Variants in ANKRD53 observed in about 807,000 individuals in gnomAD.
ANKRD53 encodes the protein ankyrin repeat domain 53.
A neutral mutation model predicts 30.1 loss-of-function variants in ANKRD53; 27 were observed. The ratio of observed to expected loss-of-function variants is 0.90; its 90% CI spans 0.66 to 1.24. The LOEUF (loss-of-function observed/expected upper bound fraction) is 1.24. ANKRD53 is among the 50% of genes most tolerant of loss of function. The probability of loss-of-function intolerance (pLI) is 0.00; values close to 1 mark genes in which losing one functional copy is unlikely to be tolerated. For missense variants in ANKRD53, 682 were observed against 721.0 expected (o/e 0.95, Z 0.62); for synonymous variants, 286 against 295.4 (o/e 0.97, Z 0.33).
Position 70,985,446 on chromosome 2 carries a change from C to G in ANKRD53, c.*146C>G. ...AGGAGTCACCCTTCCCAATCAAAAG[C>G]CCAGACCCCAGGCCTCCCTTTTCTC... On this transcript the variant is annotated 3_prime_UTR_variant, in exon 6 of 6. Transcript: ENST00000360589. The G allele has an allele frequency of 1.4e-6, 1 of 699,306 alleles. No individual in the cohort carries two copies. The highest frequency in any genetic ancestry group is 2.3e-6 in the Non-Finnish European group (1 of 430,268). 43.3% of individuals were successfully genotyped at this position (699,306 alleles called of 1,614,324 possible).
Position 70,985,226 on chromosome 2 carries a change from G to A in ANKRD53, c.1519G>A (p.Asp507Asn), listed in dbSNP as rs1230472409. ...TLAMNLRDTF[D>N]EAFLAAVRSH... The stretch of plus-strand genomic sequence containing the variant: ...GGCCATGAACCTGCGTGACACATTC[G>A]ATGAAGCCTTCCTGGCAGCTGTGCG... The change falls in exon 6 of 6, where the codon GAT (aspartate) becomes AAT (asparagine). Residue 507 changes from aspartate to asparagine, a missense_variant. Asp to Asn is a conservative substitution (Grantham distance 23). Transcript: ENST00000360589. 1.2e-5 allele frequency: 19 copies of A among 1,551,348 alleles called. No individual in the cohort carries two copies. In the Admixed American group the frequency reaches 1.4e-4, roughly 11 times the overall value.
chr2:70,980,256 G>A (rs148897332), intron 3 of ANKRD53, among the ~76,000 whole-genome samples: 6,131 of 151,084 alleles, frequency 0.041, 170 homozygotes, highest in African/African-American at 0.07. Context: ...TGGAGGTTGC[G>A]GTGAGCTGAG....
rs782305391 is a variant in ANKRD53, at chr2:70,979,899, A to AGGCACG, written c.617+45_617+50dup. 5 of 1,611,456 alleles carry AGGCACG rather than the reference A, an allele frequency of 3.1e-6. No homozygotes were observed. In the South Asian group the frequency reaches 4.4e-5, roughly 14 times the overall value. On this transcript the variant is annotated intron_variant, in intron 3 of 5. Coordinates refer to ENST00000360589, the MANE Select transcript of ANKRD53 (RefSeq NM_001115116.2). ...GCTTCAGGAGGGAGGCTTCGGGCAC[A>AGGCACG]GGCACGGGCACAGCCCTACTTCCAG...
At chr2:70,978,452 TGG>T, upstream of ANKRD53, 1 of 545,926 alleles carries the variant, frequency 1.8e-6, no homozygotes, top group Non-Finnish European at 3.0e-6. The surrounding 1 kb of genome is among the most constrained non-coding windows in gnomAD (Gnocchi z 4.3). Flanking sequence ...GAGCGGCGGG[TGG>T]GGAGCGGCAG....
chr2:70,980,509 G>T (rs1669975986), intron 3 of ANKRD53, among the ~76,000 whole-genome samples: 1 of 151,978 alleles, frequency 6.6e-6, no homozygotes, highest in African/African-American at 2.4e-5. Flanking sequence ...TGGCCGGGTG[G>T]CATGGTGGCA....
chr2:70,978,629 C>G (rs1188062675), upstream of ANKRD53: 1 of 1,517,272 alleles, frequency 6.6e-7, no homozygotes, highest in Non-Finnish European at 8.8e-7. This position sits in a 1 kb window ranked among gnomAD's most constrained non-coding sequence, Gnocchi z 4.3. Context: ...GGCCCGGGTC[C>G]GAGTTCCAGC....
rs1012393371 is a variant in ANKRD53, at chr2:70,982,500, G to C, written c.783-77G>C. 1 of 1,581,702 alleles carries C rather than the reference G, an allele frequency of 6.3e-7. No homozygotes were observed. The highest frequency in any genetic ancestry group is 1.3e-5 in the African/African-American group (1 of 74,568). On this transcript the variant is annotated intron_variant, in intron 4 of 5. Coordinates refer to ENST00000360589, the MANE Select transcript of ANKRD53 (RefSeq NM_001115116.2). The surrounding 1 kb of genome is among the most constrained non-coding windows in gnomAD (Gnocchi z 4.2). ...CCCCTCATCCCCATCCAAGCCCTCAGCAGCAGCCAGTCTTCCCAGCCCAGG... is the reference window on the plus strand; with the variant it reads ...CCCCTCATCCCCATCCAAGCCCTCACCAGCAGCCAGTCTTCCCAGCCCAGG...
Position 70,982,185 on chromosome 2 carries a change from C to A in ANKRD53, c.782+85C>A. On this transcript the variant is annotated intron_variant, in intron 4 of 5. Coordinates refer to ENST00000360589, the MANE Select transcript of ANKRD53 (RefSeq NM_001115116.2). The surrounding 1 kb of genome is among the most constrained non-coding windows in gnomAD (Gnocchi z 4.2). ...CCTAGGGCCCTCACCACAGCTGAGC[C>A]TTTAAGGGGAGGGTTGGGAAGCCAG... The A allele has an allele frequency of 1.4e-6, 2 of 1,451,968 alleles. No individual in the cohort carries two copies. Among genetic ancestry groups the A allele is most frequent in the Non-Finnish European group, 1.8e-6 (2 of 1,087,690 alleles). 89.9% of individuals were successfully genotyped at this position (1,451,968 alleles called of 1,614,324 possible).
Position 70,982,744 on chromosome 2 carries a change from T to C in ANKRD53, c.903+47T>C, listed in dbSNP as rs1226705093. 2 of 1,604,186 alleles carry C rather than the reference T, an allele frequency of 1.2e-6. No individual in the cohort carries two copies. Among genetic ancestry groups the C allele is most frequent in the African/African-American group, 1.3e-5 (1 of 74,752 alleles). On this transcript the variant is annotated intron_variant, in intron 5 of 5. Coordinates refer to ENST00000360589, the MANE Select transcript of ANKRD53 (RefSeq NM_001115116.2). The surrounding 1 kb of genome is among the most constrained non-coding windows in gnomAD (Gnocchi z 4.2). The stretch of plus-strand genomic sequence containing the variant: ...CCAGGGGACAGCTGCTATCCAGGCA[T>C]GTGAGCAGAGGGGGCAGTGACCCAC...
rs782592854 is a variant in ANKRD53 at position 70,985,225 on chromosome 2, C to T, written c.1518C>T (p.Phe506=). 32 of 1,551,374 alleles carry T rather than the reference C, an allele frequency of 2.1e-5. No homozygotes were observed. In the Admixed American group the frequency reaches 3.1e-4, roughly 15 times the overall value. ...TGGCCATGAACCTGCGTGACACATT[C>T]GATGAAGCCTTCCTGGCAGCTGTGC... ...DTLAMNLRDT[F]DEAFLAAVRS... is the part of the protein sequence containing the mutation. Residue 506 remains phenylalanine (F), a synonymous_variant, in exon 6 of 6, where the codon TTC becomes TTT. Transcript: ENST00000360589.
chr2:70,981,030 G>C (rs1669995480), intron 3 of ANKRD53, among the ~76,000 whole-genome samples: 1 of 152,210 alleles, frequency 6.6e-6, no homozygotes, highest in Non-Finnish European at 1.5e-5. Flanking sequence ...CCTGGGCTTG[G>C]GAAGTCAGAA....
In ANKRD53 at chr2:70,984,954, C is replaced by G. The variant is rs1041554007; in HGVS notation, c.1247C>G (p.Pro416Arg). 1.9e-6 allele frequency: 3 copies of G among 1,550,352 alleles called. No homozygotes were observed. Among genetic ancestry groups the G allele is most frequent in the Non-Finnish European group, 2.6e-6 (3 of 1,146,736 alleles). The change falls in exon 6 of 6, where the codon CCG becomes CGG. Residue 416 changes from proline (P) to arginine (R), a missense_variant. Pro to Arg is a moderately radical substitution (Grantham distance 103). Coordinates refer to ENST00000360589, the MANE Select transcript of ANKRD53 (RefSeq NM_001115116.2). ...IRLGVHPDPTPEHDFSSFLEV... is the reference protein window; with the variant it reads ...IRLGVHPDPTREHDFSSFLEV... ...CTGGGCGTGCATCCAGACCCCACTC[C>G]GGAGCACGACTTCAGCAGCTTCCTG...
Position 70,982,051 on chromosome 2 carries a change from T to C in ANKRD53, c.733T>C (p.Tyr245His). Residue 245 changes from tyrosine to histidine, a missense_variant, in exon 4 of 6, where the codon TAC (tyrosine) becomes CAC (histidine). Physicochemically the swap from Tyr to His is moderately conservative, Grantham distance 83 (BLOSUM62 2). Transcript: ENST00000360589. The surrounding 1 kb of genome is among the most constrained non-coding windows in gnomAD (Gnocchi z 4.2). ...CGTCCATGCCCAAGATGCCATGGGC[T>C]ACAAACCCATTGACTTCTGCAAAAT... ...ANVHAQDAMG[Y>H]KPIDFCKIWN... 6.2e-7 allele frequency: 1 copy of C among 1,613,552 alleles called. No individual in the cohort carries two copies. The highest frequency in any genetic ancestry group is 1.7e-4 in the Middle Eastern group (1 of 6,054).
chr2:70,982,763 G>A lies in ANKRD53; in HGVS notation c.903+66G>A. On this transcript the variant is annotated intron_variant, in intron 5 of 5. Coordinates refer to ENST00000360589, the MANE Select transcript of ANKRD53 (RefSeq NM_001115116.2). This position sits in a 1 kb window ranked among gnomAD's most constrained non-coding sequence, Gnocchi z 4.2. Reference sequence around the variant, plus strand: ...CAGGCATGTGAGCAGAGGGGGCAGTGACCCACATATTGTGGAGGAGTGGCT... The same window carrying A: ...CAGGCATGTGAGCAGAGGGGGCAGTAACCCACATATTGTGGAGGAGTGGCT... The A allele has an allele frequency of 1.9e-6, 3 of 1,585,104 alleles. No individual in the cohort carries two copies. In the South Asian group the frequency reaches 3.4e-5, roughly 18 times the overall value.
chr2:70,985,400 G>A lies in ANKRD53; in HGVS notation c.*100G>A. ...GAGGAAAGGGGGAGGGGTGCCTATG[G>A]GCTTCCCACTCCCAAGCTCGAGGAG... On this transcript the variant is annotated 3_prime_UTR_variant, in exon 6 of 6. Coordinates refer to ENST00000360589, the MANE Select transcript of ANKRD53 (RefSeq NM_001115116.2). 1.8e-6 allele frequency: 2 copies of A among 1,134,214 alleles called. No homozygotes were observed. Among genetic ancestry groups the A allele is most frequent in the Non-Finnish European group, 2.5e-6 (2 of 805,226 alleles). 70.3% of individuals were successfully genotyped at this position (1,134,214 alleles called of 1,614,324 possible). A position where few individuals can be genotyped will look rare whatever the true frequency, so the allele number is the denominator to read the frequency against.
In ANKRD53 at chr2:70,982,145, T is replaced by C. The variant is rs1572935271; in HGVS notation, c.782+45T>C. Reference sequence around the variant, plus strand: ...CTGGAGCCTGCCCACCCCCTTCCCCTCCCCCAGCCTTTTCCCTAGGGCCCT... The same window carrying C: ...CTGGAGCCTGCCCACCCCCTTCCCCCCCCCCAGCCTTTTCCCTAGGGCCCT... On this transcript the variant is annotated intron_variant, in intron 4 of 5. Transcript: ENST00000360589. This position sits in a 1 kb window ranked among gnomAD's most constrained non-coding sequence, Gnocchi z 4.2. 1.3e-6 allele frequency: 2 copies of C among 1,503,502 alleles called. No individual in the cohort carries two copies. Among genetic ancestry groups the C allele is most frequent in the Admixed American group, 2.0e-5 (1 of 50,814 alleles). 93.1% of individuals were successfully genotyped at this position (1,503,502 alleles called of 1,614,324 possible).
intron 5 of ANKRD53, among the ~76,000 whole-genome samples, chr2:70,983,379 G>C (rs1296515198): frequency 6.6e-6 from 1 of 152,254 alleles, no homozygotes; most frequent in Non-Finnish European, 1.5e-5. Flanking sequence ...GGGATCAGAT[G>C]TAAGTTGGAG....
At chr2:70,983,002 G>A (rs1670057212) in intron 5 of ANKRD53, among the ~76,000 whole-genome samples, 1 of 152,222 alleles carries the variant, frequency 6.6e-6, no homozygotes, top group Non-Finnish European at 1.5e-5. Flanking sequence ...ATGAGACCAA[G>A]GCACTGCCTG....
At chr2:70,983,115 A>G (rs1471095745) in intron 5 of ANKRD53, among the ~76,000 whole-genome samples, 1 of 152,214 alleles carries the variant, frequency 6.6e-6, no homozygotes, top group African/African-American at 2.4e-5. Context: ...AGGTCTAAAG[A>G]TGAACAATAT....
Sources: allele counts gnomAD v4.1 joint callset (sites outside exome capture counted in the v4.1 genomes callset), GRCh38; gene constraint gnomAD v4.1.1; non-coding constraint Gnocchi (gnomAD v3.1); transcripts MANE v1.5; gene names NCBI Gene and HGNC (gene_info 2026-07-23, HGNC 2026-07-21).